GABRB1: variants seen among roughly 807,000 people sequenced by gnomAD.
The protein encoded by GABRB1 is gamma-aminobutyric acid type A receptor subunit beta1.
In GABRB1, 17 loss-of-function variants were observed where a neutral mutation model predicts 51.6. The ratio of observed to expected loss-of-function variants is 0.33; its 90% CI spans 0.23 to 0.49. The LOEUF is 0.49. GABRB1 is among the 20% of genes least tolerant of loss of function. The probability of loss-of-function intolerance (pLI) is 0.99; values close to 1 mark genes in which losing one functional copy is unlikely to be tolerated. For synonymous variants in GABRB1, 247 were observed against 218.9 expected (o/e 1.13, Z -1.14); for missense variants, 410 against 600.6 (o/e 0.68, Z 3.32).
chr4:47,298,164 C>T (rs1482669233), intron 4 of GABRB1, among the ~76,000 whole-genome samples: 7 of 152,108 alleles, frequency 4.6e-5, no homozygotes, highest in African/African-American at 1.4e-4. Context: ...GGAAGCATTC[C>T]CTTTGAAAAC....
In GABRB1 at chr4:47,348,693, G is replaced by C. The variant is rs569894086; in HGVS notation, c.544+28484G>C. On this transcript the variant is annotated intron_variant, in intron 5 of 8. Coordinates refer to ENST00000295454, the MANE Select transcript of GABRB1 (RefSeq NM_000812.4). ...TTGTAGAAGTTTTGTCTTTATCCTAGAATAGTGGAGCATTGAAGATTTTGA... is the reference window on the plus strand; with the variant it reads ...TTGTAGAAGTTTTGTCTTTATCCTACAATAGTGGAGCATTGAAGATTTTGA... 7.8e-4 allele frequency among the ~76,000 whole-genome samples: 119 copies of C among 152,258 alleles called. 1 individual carries two copies. Among genetic ancestry groups the C allele is most frequent in the African/African-American group, 2.5e-3 (102 of 41,556 alleles).
chr4:47,419,941 C>T (rs4493516), intron 8 of GABRB1, among the ~76,000 whole-genome samples: 72,792 of 151,968 alleles, frequency 0.48, 19,502 homozygotes, highest in African/African-American at 0.73. Flanking sequence ...AAGCGTTTCT[C>T]GATTGGCCCT....
chr4:47,300,329 A>G (rs906718454), intron 4 of GABRB1, among the ~76,000 whole-genome samples: 7 of 152,170 alleles, frequency 4.6e-5, no homozygotes, highest in African/African-American at 1.7e-4. Context: ...TTCATTAATT[A>G]AGTTCAATAT....
intron 3 of GABRB1, among the ~76,000 whole-genome samples, chr4:47,084,451 T>G (rs1311157923): frequency 6.6e-6 from 1 of 152,158 alleles, no homozygotes; most frequent in Non-Finnish European, 1.5e-5. Flanking sequence ...GAATGCAAGG[T>G]GCCAAAGCAT....
intron 5 of GABRB1, among the ~76,000 whole-genome samples, chr4:47,346,023 G>T (rs965704741): frequency 1.4e-5 from 2 of 147,868 alleles, no homozygotes; most frequent in African/African-American, 2.5e-5. Context: ...TTGTTCTGTG[G>T]TATAAAGATA....
intron 3 of GABRB1, among the ~76,000 whole-genome samples, chr4:47,089,147 A>C (rs1356080318): frequency 6.6e-6 from 1 of 152,174 alleles, no homozygotes; most frequent in African/African-American, 2.4e-5. Flanking sequence ...ATAGGGGAAA[A>C]ACCTCCAAAA....
chr4:47,343,753 G>A (rs1725987086), intron 5 of GABRB1, among the ~76,000 whole-genome samples: 1 of 152,154 alleles, frequency 6.6e-6, no homozygotes, highest in Admixed American at 6.6e-5. Flanking sequence ...AGGACCAAAA[G>A]AATTGTAGTT....
intron 8 of GABRB1, among the ~76,000 whole-genome samples, chr4:47,414,801 T>C (rs931851126): frequency 2.0e-5 from 3 of 152,194 alleles, no homozygotes; most frequent in African/African-American, 7.2e-5. Flanking sequence ...AATTCCAGGA[T>C]GCAATGTGCA....
At chr4:47,344,324 A>G (rs1366510959) in intron 5 of GABRB1, among the ~76,000 whole-genome samples, 1 of 152,218 alleles carries the variant, frequency 6.6e-6, no homozygotes, top group Non-Finnish European at 1.5e-5. Context: ...AATATGAGAA[A>G]GGAACTGTGT....
At position 47,036,167 on chromosome 4, in the gene GABRB1, C is replaced by T. The variant is rs568667923; in HGVS notation, c.240+3683C>T. Among the ~76,000 whole-genome samples, 10 of 152,198 alleles carry T rather than the reference C, an allele frequency of 6.6e-5. No homozygotes were observed. In the South Asian group the frequency reaches 1.7e-3, roughly 25 times the overall value. On this transcript the variant is annotated intron_variant, in intron 3 of 8. Coordinates refer to ENST00000295454, the MANE Select transcript of GABRB1 (RefSeq NM_000812.4). ...TTACAGTGAACAACGATGACAAAAA[C>T]GAAAATGAGCCAATTTTATAAATAA...
At chr4:47,032,299 G>A (rs867964865) in intron 2 of GABRB1, 118 bp from the exon 3 acceptor site, 2 of 948,560 alleles carry the variant, frequency 2.1e-6, no homozygotes, top group Non-Finnish European at 3.2e-6. Flanking sequence ...AAGGGGTGGT[G>A]GGGGGAGCAG....
chr4:47,373,053 G>A (rs1318435500), intron 5 of GABRB1, among the ~76,000 whole-genome samples: 1 of 152,154 alleles, frequency 6.6e-6, no homozygotes, highest in Non-Finnish European at 1.5e-5. Context: ...TTGTCAGTAA[G>A]TCTTTGCCTG....
intron 3 of GABRB1, among the ~76,000 whole-genome samples, chr4:47,077,823 A>C (rs892713043): frequency 2.1e-5 from 3 of 139,598 alleles, no homozygotes; most frequent in Non-Finnish European, 4.5e-5. Context: ...ATAAAAAAAT[A>C]TAATATATAT....
At chr4:47,338,792 C>T (rs903539412) in intron 5 of GABRB1, among the ~76,000 whole-genome samples, 1 of 152,152 alleles carries the variant, frequency 6.6e-6, no homozygotes, top group East Asian at 1.9e-4. Context: ...TCCTAATTCC[C>T]AGGAAAGAAA....
chr4:47,290,987 A>T (rs1173779643), intron 4 of GABRB1, among the ~76,000 whole-genome samples: 1 of 152,222 alleles, frequency 6.6e-6, no homozygotes, highest in African/African-American at 2.4e-5. Flanking sequence ...TTGCATAAGT[A>T]AGGAGGAGCC....
intron 5 of GABRB1, among the ~76,000 whole-genome samples, chr4:47,386,943 G>C (rs545309095): frequency 6.6e-6 from 1 of 152,238 alleles, no homozygotes; most frequent in South Asian, 2.1e-4. Context: ...TAGACGAAAG[G>C]CTAAACAATT....
chr4:47,201,545 G>C (rs542440535), intron 4 of GABRB1, among the ~76,000 whole-genome samples: 1 of 152,068 alleles, frequency 6.6e-6, no homozygotes, highest in South Asian at 2.1e-4. Context: ...CCATGCTTGT[G>C]GTTACCTTTT....
intron 1 of GABRB1, among the ~76,000 whole-genome samples, chr4:47,009,260 T>C (rs1271884849): frequency 6.6e-6 from 1 of 150,794 alleles, no homozygotes; most frequent in Non-Finnish European, 1.5e-5. Context: ...TTATATAAAT[T>C]ATGTATCTAT....
At chr4:47,093,371 AATATT>A (rs1299082255) in intron 3 of GABRB1, among the ~76,000 whole-genome samples, 1 of 152,194 alleles carries the variant, frequency 6.6e-6, no homozygotes, top group Non-Finnish European at 1.5e-5. Flanking sequence ...CCATTATTCT[AATATT>A]ATTTTCAGAT....
Sources: gnomAD v4.1 joint callset for allele counts (sites outside exome capture counted in the v4.1 genomes callset) on GRCh38, gnomAD v4.1.1 for gene constraint, MANE v1.5 for transcripts, NCBI Gene and HGNC (gene_info 2026-07-23, HGNC 2026-07-21) for gene names.